ENTPD5: variants seen among roughly 807,000 people sequenced by gnomAD.
ENTPD5 encodes the protein ectonucleoside triphosphate diphosphohydrolase 5 (inactive).
ENTPD5 carries 49 observed loss-of-function variants against 60.2 expected under a neutral mutation model. That is an observed-to-expected ratio of 0.81 (90% CI 0.65 to 1.03). ENTPD5 has a LOEUF of 1.03. Ranked by LOEUF, ENTPD5 falls within the 50% of genes least tolerant of loss-of-function variation. The pLI, the probability that ENTPD5 is intolerant of heterozygous loss-of-function variation, is 0.00. For synonymous variants in ENTPD5, 187 were observed against 185.4 expected (o/e 1.01, Z -0.07); for missense variants, 480 against 507.6 (o/e 0.95, Z 0.52).
At position 73,965,371 on chromosome 14, in the gene ENTPD5, AGG is replaced by A. The variant is rs1470616816; in HGVS notation, c.*1555_*1556del. 1 of 152,252 alleles carries A rather than the reference AGG, an allele frequency of 6.6e-6. No individual in the cohort carries two copies. The highest frequency in any genetic ancestry group is 1.5e-5 in the Non-Finnish European group (1 of 68,078). 9.4% of individuals were successfully genotyped at this position (152,252 alleles called of 1,614,324 possible). A position where few individuals can be genotyped will look rare whatever the true frequency, so the allele number is the denominator to read the frequency against. On this transcript the variant is annotated 3_prime_UTR_variant, in exon 16 of 16. Coordinates refer to ENST00000334696, the MANE Select transcript of ENTPD5 (RefSeq NM_001249.5). ...AACCAAGGCAAAGGGGCCAGACCAC[AGG>A]GAGATCTTCCAGGTCCAAGAGCACT...
At chr14:74,000,973 G>A (rs1363282139) in intron 3 of ENTPD5, among the ~76,000 whole-genome samples, 1 of 151,854 alleles carries the variant, frequency 6.6e-6, no homozygotes, top group East Asian at 1.9e-4. Context: ...ATAGTCCCAG[G>A]TACTCAGGAG....
chr14:73,983,190 T>C (rs910889234), intron 5 of ENTPD5, 29 bp from the exon 6 acceptor site: 1 of 1,593,330 alleles, frequency 6.3e-7, no homozygotes, highest in Non-Finnish European at 8.6e-7. Flanking sequence ...GTTCATCTGA[T>C]GAACGATCCA....
At chr14:73,973,562 C>T (rs1200116020) in intron 12 of ENTPD5, among the ~76,000 whole-genome samples, 1 of 152,150 alleles carries the variant, frequency 6.6e-6, no homozygotes, top group Non-Finnish European at 1.5e-5. Flanking sequence ...TGGCATTGCG[C>T]ACTATAGCCT....
chr14:73,988,027 G>T lies in ENTPD5; in HGVS notation c.76C>A (p.Gln26Lys). Residue 26 changes from glutamine (Q) to lysine (K), a missense_variant, in exon 4 of 16, where the codon CAG becomes AAG. Coordinates refer to ENST00000334696, the MANE Select transcript of ENTPD5 (RefSeq NM_001249.5). ...AAGATACCCTCAAACCAAGTCTGCT[G>T]GTTCCTGTGGGAGACAGCGCTGCAA... ...CVCSAVSHRN[Q>K]QTWFEGIFLS... The T allele has an allele frequency of 6.2e-7, 1 of 1,614,118 alleles. No homozygotes were observed.
intron 2 of ENTPD5, among the ~76,000 whole-genome samples, chr14:74,013,194 GACC>G (rs1187265218): frequency 2.0e-5 from 3 of 152,170 alleles, no homozygotes; most frequent in Non-Finnish European, 4.4e-5. Context: ...CCGGTCTGTG[GACC>G]ACACTTTAGG....
intron 3 of ENTPD5, among the ~76,000 whole-genome samples, chr14:73,995,813 A>C (rs2058323724): frequency 1.3e-5 from 2 of 152,166 alleles, no homozygotes; most frequent in Admixed American, 6.5e-5. Context: ...CAGTACATTT[A>C]AATCTACTCC....
chr14:73,988,093 A>G lies in ENTPD5; in HGVS notation c.10T>C (p.Ser4Pro). 1 of 1,610,294 alleles carries G rather than the reference A, an allele frequency of 6.2e-7. No homozygotes were observed. The highest frequency in any genetic ancestry group is 8.5e-7 in the Non-Finnish European group (1 of 1,178,714). Residue 4 changes from serine (S) to proline (P), a missense_variant, in exon 4 of 16, where the codon TCT becomes CCT. Transcript: ENST00000334696. The part of the protein sequence containing the change: MAT[S>P]WGTVFFMLVV... Reference sequence around the variant, plus strand: ...AGCATGAAAAAGACTGTGCCCCAAGAAGTGGCCATTCTTTTCCCAAGATGT... The same window carrying G: ...AGCATGAAAAAGACTGTGCCCCAAGGAGTGGCCATTCTTTTCCCAAGATGT...
chr14:73,963,355 TAC>T lies in ENTPD5; in HGVS notation c.*3571_*3572del, dbSNP rs1390677583. 22 of 389,954 alleles carry T rather than the reference TAC, an allele frequency of 5.6e-5. No homozygotes were observed. Among genetic ancestry groups the T allele is most frequent in the African/African-American group, 2.1e-5 (1 of 48,496 alleles). The allele number at this position is 389,954 out of a possible 1,614,324, so 24.2% of individuals were successfully genotyped here. ...TGTTTTAATGTTGGTCATAAATTTA[TAC>T]AGTTGTTTTTTGATAGAGGTAAGAA... On this transcript the variant is annotated 3_prime_UTR_variant, in exon 16 of 16. Transcript: ENST00000334696.
At chr14:74,005,102 T>C (rs914974129) in intron 3 of ENTPD5, among the ~76,000 whole-genome samples, 7 of 150,998 alleles carry the variant, frequency 4.6e-5, no homozygotes, top group Admixed American at 3.3e-4. Context: ...AAATAATATA[T>C]AGAAATAAGC....
downstream of ENTPD5, chr14:73,959,729 C>G (rs542824517): frequency 8.6e-7 from 1 of 1,157,442 alleles, no homozygotes; most frequent in South Asian, 1.6e-5. Flanking sequence ...GCCACCATGC[C>G]CAGCTAATTT....
At chr14:74,016,134 C>T (rs1388389424) in intron 1 of ENTPD5, among the ~76,000 whole-genome samples, 1 of 152,204 alleles carries the variant, frequency 6.6e-6, no homozygotes, top group East Asian at 1.9e-4. Flanking sequence ...TCCTACTCTA[C>T]TATCTGTACT....
At chr14:73,958,168 G>A, downstream of ENTPD5, 1 of 1,613,974 alleles carries the variant, frequency 6.2e-7, no homozygotes, top group South Asian at 1.1e-5. Context: ...GTTCTCTACA[G>A]GAGCAAAGCC....
At chr14:73,995,566 T>C (rs935602866) in intron 3 of ENTPD5, among the ~76,000 whole-genome samples, 3 of 147,188 alleles carry the variant, frequency 2.0e-5, no homozygotes, top group South Asian at 2.2e-4. Flanking sequence ...GCCTCAGTGA[T>C]AGAGAGAGAC....
At chr14:74,010,124 G>A (rs2058802223) in intron 3 of ENTPD5, among the ~76,000 whole-genome samples, 1 of 152,058 alleles carries the variant, frequency 6.6e-6, no homozygotes, top group African/African-American at 2.4e-5. Flanking sequence ...AAGGAGTCTC[G>A]CTATGTTGCC....
intron 1 of ENTPD5, among the ~76,000 whole-genome samples, chr14:74,017,905 G>A (rs556282884): frequency 7.1e-4 from 106 of 149,744 alleles, no homozygotes; most frequent in African/African-American, 2.3e-3. Flanking sequence ...GTTTACAGCC[G>A]GGGCGGTGGC....
At chr14:73,970,220 G>A (rs567231773) in intron 14 of ENTPD5, 95 bp from the exon 15 acceptor site, 25 of 807,702 alleles carry the variant, frequency 3.1e-5, no homozygotes, top group African/African-American at 6.8e-5. Flanking sequence ...GGCCAGGCGC[G>A]GTGGCTCACG....
chr14:73,960,753 A>G (rs1015552162), downstream of ENTPD5: 1 of 436,216 alleles, frequency 2.3e-6, no homozygotes, highest in South Asian at 2.4e-5. Context: ...ACAGGGGGGA[A>G]ACACAGAGAA....
intron 3 of ENTPD5, among the ~76,000 whole-genome samples, chr14:74,001,460 C>T (rs1177226732): frequency 6.6e-6 from 1 of 151,380 alleles, no homozygotes; most frequent in African/African-American, 2.4e-5. Context: ...CGAGATTGCA[C>T]CACTGCACTC....
chr14:73,972,618 CTTAAA>C (rs2057275110), intron 13 of ENTPD5, among the ~76,000 whole-genome samples: 1 of 151,892 alleles, frequency 6.6e-6, no homozygotes, highest in African/African-American at 2.4e-5. Context: ...CATGACAAAA[CTTAAA>C]TTGTATACTT....
Sources: gnomAD v4.1 joint callset for allele counts (sites outside exome capture counted in the v4.1 genomes callset) on GRCh38, gnomAD v4.1.1 for gene constraint, MANE v1.5 for transcripts, NCBI Gene and HGNC (gene_info 2026-07-23, HGNC 2026-07-21) for gene names.